The following TMEM38B variants were observed in gnomAD, a reference collection of about 807,000 sequenced individuals.
TMEM38B encodes transmembrane protein 38B, also known as trimeric intracellular cation channel type B.
Under a neutral mutation model 28.7 loss-of-function variants are expected in TMEM38B, and 24 were observed. The observed-to-expected ratio is 0.84, with a 90% CI of 0.61 to 1.18. The LOEUF is 1.18. TMEM38B is among the 50% of genes most tolerant of loss of function. TMEM38B has a pLI of 0.00. For synonymous variants in TMEM38B, 131 were observed against 127.7 expected (o/e 1.03, Z -0.17); for missense variants, 380 against 350.9 (o/e 1.08, Z -0.66).
intron 2 of TMEM38B, among the ~76,000 whole-genome samples, chr9:105,711,933 T>C (rs993339258): frequency 5.9e-5 from 9 of 152,204 alleles, no homozygotes; most frequent in Non-Finnish European, 1.2e-4. Flanking sequence ...TCTCTCTTTT[T>C]TTTCTGGAGA....
chr9:105,703,953 A>T (rs1835551368), intron 1 of TMEM38B, among the ~76,000 whole-genome samples: 2 of 152,206 alleles, frequency 1.3e-5, no homozygotes, highest in South Asian at 2.1e-4. Context: ...GAAACTGGAA[A>T]TCATCATTCT....
At chr9:105,746,078 A>G (rs534627192) in intron 4 of TMEM38B, among the ~76,000 whole-genome samples, 1 of 151,974 alleles carries the variant, frequency 6.6e-6, no homozygotes, top group Non-Finnish European at 1.5e-5. Context: ...TTTTTTGTTT[A>G]CATATGAACT....
In TMEM38B at chr9:105,716,374, T is replaced by TTGTGTGTGTGTGTGTGTGTGTGTGTG. The variant is rs139155061; in HGVS notation, c.270-5146_270-5145insGTGTGTGTGTGTGTGTGTGTGTGTGT. Among the ~76,000 whole-genome samples the TTGTGTGTGTGTGTGTGTGTGTGTGTG allele has an allele frequency of 1.0e-3, 155 of 150,734 alleles. 1 individual carries two copies. Among genetic ancestry groups the TTGTGTGTGTGTGTGTGTGTGTGTGTG allele is most frequent in the African/African-American group, 3.6e-3 (147 of 40,932 alleles). ...CCAGAACCTCTGTCAGTTGTAGCATTTGTGTGTGTGTGTGTGTATATTTCC... is the reference window on the plus strand; with the variant it reads ...CCAGAACCTCTGTCAGTTGTAGCATTTGTGTGTGTGTGTGTGTGTGTGTGTGTGTGTGTGTGTGTGTGTATATTTCC... On this transcript the variant is annotated intron_variant, in intron 2 of 5. Transcript: ENST00000374692.
At chr9:105,756,765 A>G (rs779577406) in intron 5 of TMEM38B, among the ~76,000 whole-genome samples, 1 of 152,154 alleles carries the variant, frequency 6.6e-6, no homozygotes, top group African/African-American at 2.4e-5. Context: ...CTCTTATAAT[A>G]TTTCTCAACA....
At chr9:105,747,647 T>C (rs1335719113) in intron 4 of TMEM38B, among the ~76,000 whole-genome samples, 1 of 152,196 alleles carries the variant, frequency 6.6e-6, no homozygotes, top group African/African-American at 2.4e-5. Flanking sequence ...CTTGCTTCTC[T>C]AGTTCTTTTA....
chr9:105,694,605 C>G lies in TMEM38B; in HGVS notation c.-56C>G. 6.8e-7 allele frequency: 1 copy of G among 1,470,374 alleles called. No homozygotes were observed. The highest frequency in any genetic ancestry group is 9.4e-7 in the Non-Finnish European group (1 of 1,058,534). The allele number at this position is 1,470,374 out of a possible 1,614,324, so 91.1% of individuals were successfully genotyped here. A position where few individuals can be genotyped will look rare whatever the true frequency, so the allele number is the denominator to read the frequency against. On this transcript the variant is annotated 5_prime_UTR_variant, in exon 1 of 6. Coordinates refer to ENST00000374692, the MANE Select transcript of TMEM38B (RefSeq NM_018112.3). Reference sequence around the variant, plus strand: ...GTGCCCTCTCCTACTCCTCACCGCGCGAGCGCGGGGAACCAGTAGCCGCGG... The same window carrying G: ...GTGCCCTCTCCTACTCCTCACCGCGGGAGCGCGGGGAACCAGTAGCCGCGG...
intron 5 of TMEM38B, among the ~76,000 whole-genome samples, chr9:105,771,610 T>TGG (rs1826545627): frequency 6.6e-6 from 1 of 152,236 alleles, no homozygotes; most frequent in African/African-American, 2.4e-5. Context: ...AGTCAAGCTA[T>TGG]GACCAAGGTA....
intron 5 of TMEM38B, among the ~76,000 whole-genome samples, chr9:105,750,966 C>T (rs1023925184): frequency 2.0e-5 from 3 of 152,128 alleles, no homozygotes; most frequent in Non-Finnish European, 2.9e-5. Context: ...GGGTTTATTT[C>T]TAGATTCTCA....
rs1037828505 is a variant in TMEM38B at position 105,763,372 on chromosome 9, T to C, written c.661-10493T>C. Among the ~76,000 whole-genome samples the C allele has an allele frequency of 5.3e-5, 8 of 152,198 alleles. No homozygotes were observed. The East Asian group carries it at 1.2e-3, about 22-fold the overall frequency. On this transcript the variant is annotated intron_variant, in intron 5 of 5. Transcript: ENST00000374692. ...GAATGGTAATGCCTAGGTTTTCTTC[T>C]AGGGTTTTTATGCTTTTAGGTCTAA...
chr9:105,715,159 G>T (rs1419176157), intron 2 of TMEM38B, among the ~76,000 whole-genome samples: 1 of 152,034 alleles, frequency 6.6e-6, no homozygotes, highest in Non-Finnish European at 1.5e-5. Context: ...CCAAAGAAAT[G>T]ATTACAGAAA....
intron 5 of TMEM38B, among the ~76,000 whole-genome samples, chr9:105,754,866 C>A (rs950634253): frequency 2.0e-5 from 3 of 152,082 alleles, no homozygotes; most frequent in African/African-American, 4.8e-5. Context: ...TATAAATAGA[C>A]TACTAGCTAG....
At chr9:105,741,283 T>C (rs1837192611) in intron 4 of TMEM38B, among the ~76,000 whole-genome samples, 1 of 152,146 alleles carries the variant, frequency 6.6e-6, no homozygotes, top group Non-Finnish European at 1.5e-5. Flanking sequence ...GTAATAGAGA[T>C]TTTGGTACAG....
intron 5 of TMEM38B, among the ~76,000 whole-genome samples, chr9:105,754,927 A>G (rs958301153): frequency 5.3e-5 from 8 of 152,234 alleles, no homozygotes; most frequent in African/African-American, 1.9e-4. Context: ...CAGAAATGAT[A>G]ACACTGACCC....
intron 5 of TMEM38B, chr9:105,759,739 A>AT: frequency 6.2e-7 from 1 of 1,604,878 alleles, no homozygotes; most frequent in Non-Finnish European, 8.5e-7. Context: ...AGAGGAAAAT[A>AT]TTCAAAAGCC....
At chr9:105,752,221 G>C (rs1837680448) in intron 5 of TMEM38B, among the ~76,000 whole-genome samples, 1 of 152,164 alleles carries the variant, frequency 6.6e-6, no homozygotes, top group Non-Finnish European at 1.5e-5. Flanking sequence ...CCATCTCTGT[G>C]ACTCAGTTGA....
intron 1 of TMEM38B, among the ~76,000 whole-genome samples, chr9:105,699,798 T>C (rs1835405426): frequency 6.6e-6 from 1 of 152,194 alleles, no homozygotes; most frequent in African/African-American, 2.4e-5. Context: ...TTGCGTGTGA[T>C]TGGCTATAGT....
intron 5 of TMEM38B, chr9:105,758,551 T>G: frequency 1.6e-6 from 2 of 1,237,156 alleles, no homozygotes; most frequent in Non-Finnish European, 2.4e-6. Flanking sequence ...ATCCAACTGT[T>G]GAGGAAATTT....
intron 4 of TMEM38B, among the ~76,000 whole-genome samples, chr9:105,730,634 G>A (rs1361503767): frequency 1.3e-5 from 2 of 152,202 alleles, no homozygotes; most frequent in East Asian, 3.8e-4. Flanking sequence ...AGTTTCAGAA[G>A]GAATGGTACT....
At chr9:105,747,961 C>T in intron 4 of TMEM38B, 112 bp from the exon 5 acceptor site, 1 of 678,382 alleles carries the variant, frequency 1.5e-6, no homozygotes, top group Admixed American at 2.6e-5. Flanking sequence ...CTCATTTTTG[C>T]ATTACATCTA....
Sources: allele counts gnomAD v4.1 joint callset (sites outside exome capture counted in the v4.1 genomes callset), GRCh38; gene constraint gnomAD v4.1.1; transcripts MANE v1.5; gene names NCBI Gene and HGNC (gene_info 2026-07-23, HGNC 2026-07-21).